The following FSTL5 variants were observed in gnomAD, a reference collection of about 807,000 sequenced individuals.
FSTL5 encodes follistatin like 5, also known as follistatin-related protein 5.
A neutral mutation model predicts 89.1 loss-of-function variants in FSTL5; 62 were observed. The observed-to-expected ratio is 0.70, with a 90% confidence interval of 0.57 to 0.86. FSTL5 has a LOEUF of 0.86. FSTL5 is among the 40% of genes least tolerant of loss of function. The probability of loss-of-function intolerance (pLI) is 0.00; values close to 1 mark genes in which losing one functional copy is unlikely to be tolerated. For missense variants in FSTL5, 1,057 were observed against 1,001.6 expected (o/e 1.06, Z -0.75); for synonymous variants, 383 against 346.2 (o/e 1.11, Z -1.18).
chr4:162,143,809 CACACACACACATACAA>C (rs1335674451), intron 1 of FSTL5, among the ~76,000 whole-genome samples: 4 of 139,588 alleles, frequency 2.9e-5, no homozygotes, highest in African/African-American at 1.0e-4. Context: ...CACACACACA[CACACACACACATACAA>C]ACACACACGG....
intron 6 of FSTL5, among the ~76,000 whole-genome samples, chr4:161,754,135 T>A (rs748666067): frequency 9.2e-5 from 14 of 151,918 alleles, no homozygotes; most frequent in East Asian, 3.9e-4. Context: ...AAATTTTTTT[T>A]AATATTTTAG....
At chr4:162,119,709 A>G (rs1045429348) in intron 1 of FSTL5, among the ~76,000 whole-genome samples, 11 of 152,278 alleles carry the variant, frequency 7.2e-5, no homozygotes, top group Admixed American at 7.2e-4. Context: ...TTGAAACTAC[A>G]TAATATATTA....
At chr4:161,929,209 G>A (rs1439298066) in intron 3 of FSTL5, among the ~76,000 whole-genome samples, 1 of 146,856 alleles carries the variant, frequency 6.8e-6, no homozygotes, top group Non-Finnish European at 1.5e-5. Context: ...ACCATTTGTT[G>A]ACAAGAATAT....
At position 161,823,169 on chromosome 4, in the gene FSTL5, C is replaced by T. The variant is rs189122097; in HGVS notation, c.410-47095G>A. On this transcript the variant is annotated intron_variant, in intron 4 of 15. Transcript: ENST00000306100. ...TTCTTACCTTGGATCACTGACTCCA[C>T]CCAGAAATGGCAGGCCAGCCCCCAG... 1.9e-3 allele frequency among the ~76,000 whole-genome samples: 283 copies of T among 152,270 alleles called. 3 individuals are homozygous for T. The highest frequency in any genetic ancestry group is 0.018 in the Admixed American group (279 of 15,304).
intron 7 of FSTL5, among the ~76,000 whole-genome samples, chr4:161,604,627 G>A (rs1274057141): frequency 6.6e-6 from 1 of 152,110 alleles, no homozygotes; most frequent in Non-Finnish European, 1.5e-5. Flanking sequence ...GAAAGTCACT[G>A]GGGTTACAAA....
chr4:162,111,499 A>T (rs1731442514), intron 1 of FSTL5, 87 bp from the exon 2 acceptor site: 2 of 991,738 alleles, frequency 2.0e-6, no homozygotes, highest in Non-Finnish European at 2.9e-6. Context: ...ATCACATATA[A>T]ATCTCCATTA....
chr4:161,547,958 T>C (rs1240071974), intron 8 of FSTL5, among the ~76,000 whole-genome samples: 2 of 151,892 alleles, frequency 1.3e-5, no homozygotes, highest in African/African-American at 4.8e-5. Flanking sequence ...ACAAATATAT[T>C]TAACATGTGG....
At chr4:161,508,317 T>A (rs981350414) in intron 11 of FSTL5, among the ~76,000 whole-genome samples, 1 of 152,122 alleles carries the variant, frequency 6.6e-6, no homozygotes, top group Non-Finnish European at 1.5e-5. Flanking sequence ...AATCTATTTT[T>A]AAAATGTTTC....
intron 11 of FSTL5, among the ~76,000 whole-genome samples, chr4:161,509,904 A>G (rs1035243066): frequency 1.8e-4 from 27 of 152,208 alleles, no homozygotes; most frequent in African/African-American, 6.5e-4. Flanking sequence ...CCTACTGAGT[A>G]TTAACAACTA....
At chr4:161,642,414 A>G (rs527528287) in intron 7 of FSTL5, among the ~76,000 whole-genome samples, 2 of 152,336 alleles carry the variant, frequency 1.3e-5, no homozygotes, top group South Asian at 4.1e-4. Flanking sequence ...GCAAAAGTAC[A>G]AAATCATGAT....
intron 1 of FSTL5, among the ~76,000 whole-genome samples, chr4:162,116,437 A>G (rs1344958276): frequency 6.6e-6 from 1 of 152,174 alleles, no homozygotes; most frequent in Non-Finnish European, 1.5e-5. Context: ...TAAAATGAGG[A>G]AAGGGTTACT....
Position 161,563,442 on chromosome 4 carries a change from A to G in FSTL5, c.1016-20749T>C, listed in dbSNP as rs186666788. Among the ~76,000 whole-genome samples the G allele has an allele frequency of 3.3e-5, 5 of 152,048 alleles. No homozygotes were observed. The East Asian group carries it at 9.8e-4, about 30-fold the overall frequency. On this transcript the variant is annotated intron_variant, in intron 8 of 15. Transcript: ENST00000306100. ...GTGAATAGGGCTCCAAATTCTCCAC[A>G]TTCTGACCATCCGTTATTTTCCTGG... is the stretch of plus-strand genomic sequence containing the variant.
intron 15 of FSTL5, among the ~76,000 whole-genome samples, chr4:161,430,885 G>A (rs1732340703): frequency 6.6e-6 from 1 of 152,092 alleles, no homozygotes; most frequent in African/African-American, 2.4e-5. Context: ...AACCTTATTG[G>A]CTAAGAGAGA....
At chr4:161,907,267 A>G (rs1013714024) in intron 4 of FSTL5, among the ~76,000 whole-genome samples, 2 of 152,162 alleles carry the variant, frequency 1.3e-5, no homozygotes, top group African/African-American at 2.4e-5. Flanking sequence ...TGTTTCACTA[A>G]AAGTGCAATT....
Position 161,858,379 on chromosome 4 carries a change from T to C in FSTL5, c.409+62025A>G, listed in dbSNP as rs1485244966. Among the ~76,000 whole-genome samples, 2 of 152,308 alleles carry C rather than the reference T, an allele frequency of 1.3e-5. 1 individual carries two copies. The highest frequency in any genetic ancestry group is 3.9e-4 in the East Asian group (2 of 5,166). On this transcript the variant is annotated intron_variant, in intron 4 of 15. Transcript: ENST00000306100. Reference sequence around the variant, plus strand: ...TCCACCTTGAAGGTCCTTGACTTACTTGTATCATTAAATTCATGAAAGGTA... The same window carrying C: ...TCCACCTTGAAGGTCCTTGACTTACCTGTATCATTAAATTCATGAAAGGTA...
At chr4:161,889,506 T>C (rs1048664605) in intron 4 of FSTL5, among the ~76,000 whole-genome samples, 1 of 152,074 alleles carries the variant, frequency 6.6e-6, no homozygotes, top group African/African-American at 2.4e-5. Context: ...TTGCTAGGTG[T>C]GGCAGTGCAT....
intron 7 of FSTL5, among the ~76,000 whole-genome samples, chr4:161,603,019 G>C (rs1734303271): frequency 6.6e-6 from 1 of 152,090 alleles, no homozygotes. Context: ...AAACAAAAAA[G>C]GGTAGTTGTG....
At position 161,804,485 on chromosome 4, in the gene FSTL5, A is replaced by G. The variant is rs1729897467; in HGVS notation, c.410-28411T>C. Among the ~76,000 whole-genome samples the G allele has an allele frequency of 2.0e-5, 3 of 151,944 alleles. 1 individual carries two copies. In the South Asian group the frequency reaches 6.2e-4, roughly 32 times the overall value. ...ATGTTCCTTGAAAAAATTGTGGGCAAATATGTTAAACAATTTCCTATATGA... is the reference window on the plus strand; with the variant it reads ...ATGTTCCTTGAAAAAATTGTGGGCAGATATGTTAAACAATTTCCTATATGA... On this transcript the variant is annotated intron_variant, in intron 4 of 15. Transcript: ENST00000306100.
chr4:161,621,808 C>A (rs1292475577), intron 7 of FSTL5, among the ~76,000 whole-genome samples: 1 of 144,340 alleles, frequency 6.9e-6, no homozygotes, highest in Non-Finnish European at 1.5e-5. Flanking sequence ...ATGATGAGAC[C>A]CTGTCTCTTC....
Sources: gnomAD v4.1 joint callset for allele counts (sites outside exome capture counted in the v4.1 genomes callset) on GRCh38, gnomAD v4.1.1 for gene constraint, MANE v1.5 for transcripts, NCBI Gene and HGNC (gene_info 2026-07-23, HGNC 2026-07-21) for gene names.